Variants in TRPC6 observed in about 807,000 individuals in gnomAD.
TRPC6 encodes short transient receptor potential channel 6.
TRPC6 carries 55 observed loss-of-function variants against 90.7 expected under a neutral mutation model. The ratio of observed to expected loss-of-function variants is 0.61; its 90% CI spans 0.49 to 0.76. TRPC6 has a LOEUF of 0.76. Among genes scored for constraint, TRPC6 ranks in the 30% least tolerant of loss-of-function variants. The pLI, the probability that TRPC6 is intolerant of heterozygous loss-of-function variation, is 0.00. For missense variants in TRPC6, 989 were observed against 1,122.7 expected, an observed-to-expected ratio of 0.88 and a Z score of 1.70; for synonymous variants, 393 against 393.0, an observed-to-expected ratio of 1.00 and a Z score of 0.00.
intron 2 of TRPC6, among the ~76,000 whole-genome samples, chr11:101,493,362 T>TGGG: frequency 6.6e-6 from 1 of 152,254 alleles, no homozygotes; most frequent in South Asian, 2.1e-4. Context: ...CACATGTCCT[T>TGGG]GGGGTGTGGG....
At chr11:101,491,833 A>ATTTTTTTTTTTTTTTTTTGTT (rs200869151) in intron 2 of TRPC6, 95 bp from the exon 3 acceptor site, 1 of 764,510 alleles carries the variant, frequency 1.3e-6, no homozygotes, top group African/African-American at 2.8e-5. Context: ...TAAGAGAAAC[A>ATTTTTTTTTTTTTTTTTTGTT]TTCTTTTTTT....
chr11:101,464,217 G>A (rs796985316), intron 10 of TRPC6, among the ~76,000 whole-genome samples: 15 of 152,254 alleles, frequency 9.9e-5, no homozygotes, highest in African/African-American at 2.4e-4. Context: ...TTCCAATTAC[G>A]TGGTCAGTTT....
At chr11:101,533,620 G>C (rs1199776867) in intron 1 of TRPC6, among the ~76,000 whole-genome samples, 2 of 152,116 alleles carry the variant, frequency 1.3e-5, no homozygotes, top group African/African-American at 4.8e-5. Flanking sequence ...TCAGGTTCAG[G>C]GAGTCATAGC....
At chr11:101,571,778 C>A (rs1861970182) in intron 1 of TRPC6, among the ~76,000 whole-genome samples, 1 of 152,110 alleles carries the variant, frequency 6.6e-6, no homozygotes, top group Non-Finnish European at 1.5e-5. Flanking sequence ...GAAAGGATTC[C>A]CTATTTAATA....
chr11:101,551,719 A>G (rs1223855131), intron 1 of TRPC6, among the ~76,000 whole-genome samples: 1 of 152,074 alleles, frequency 6.6e-6, no homozygotes, highest in Non-Finnish European at 1.5e-5. Context: ...GTTTCTACAC[A>G]TATTGTGTGC....
At chr11:101,579,541 G>T (rs945618822) in intron 1 of TRPC6, among the ~76,000 whole-genome samples, 4 of 152,030 alleles carry the variant, frequency 2.6e-5, no homozygotes, top group African/African-American at 7.2e-5. Flanking sequence ...TTCTTGAAAA[G>T]CCTAGGCAAT....
At chr11:101,492,513 T>C (rs1393536736) in intron 2 of TRPC6, among the ~76,000 whole-genome samples, 1 of 152,020 alleles carries the variant, frequency 6.6e-6, no homozygotes, top group Non-Finnish European at 1.5e-5. Context: ...CCCGGGCAGG[T>C]TGAGGCTGCA....
chr11:101,544,398 A>T (rs1861248200), intron 1 of TRPC6, among the ~76,000 whole-genome samples: 1 of 152,228 alleles, frequency 6.6e-6, no homozygotes, highest in African/African-American at 2.4e-5. Flanking sequence ...CCAAAGGATT[A>T]TAAATCATTC....
At chr11:101,507,344 A>G (rs1187628988) in intron 1 of TRPC6, among the ~76,000 whole-genome samples, 3 of 149,460 alleles carry the variant, frequency 2.0e-5, no homozygotes, top group Non-Finnish European at 3.0e-5. Context: ...TTTTTTTTCA[A>G]TTTTGGAAAA....
intron 1 of TRPC6, among the ~76,000 whole-genome samples, chr11:101,573,893 A>G (rs1862015713): frequency 1.3e-5 from 2 of 148,882 alleles, no homozygotes; most frequent in African/African-American, 5.0e-5. Context: ...ACAGTAGTGA[A>G]GCTCCTTTCA....
Position 101,504,705 on chromosome 11 carries a change from A to G in TRPC6, c.264T>C (p.Phe88=), listed in dbSNP as rs1860215747. 1 of 1,594,490 alleles carries G rather than the reference A, an allele frequency of 6.3e-7. No individual in the cohort carries two copies. Among genetic ancestry groups the G allele is most frequent in the East Asian group, 2.2e-5 (1 of 44,734 alleles). ...TAGATAGGCTTGTGGAGCGATCACT[A>G]AACATGTATGCTGGTCCTCGATTAG... ...RLANRGPAYM[F]SDRSTSLSIE... is the part of the protein sequence containing the mutation. The change falls in exon 2 of 13, where the codon TTT becomes TTC. Residue 88 remains phenylalanine, a synonymous_variant. Transcript: ENST00000344327.
At chr11:101,547,530 C>T (rs1227398669) in intron 1 of TRPC6, among the ~76,000 whole-genome samples, 1 of 152,116 alleles carries the variant, frequency 6.6e-6, no homozygotes, top group Non-Finnish European at 1.5e-5. Context: ...TTACACTCCC[C>T]GCGCATTTAG....
At chr11:101,548,476 A>ATATATC (rs1555011220) in intron 1 of TRPC6, among the ~76,000 whole-genome samples, 22,570 of 111,496 alleles carry the variant, frequency 0.2, 2,164 homozygotes, top group Middle Eastern at 0.36. Flanking sequence ...ATATATATAT[A>ATATATC]TCTCTCTCTC....
chr11:101,579,597 CTT>C (rs1226721686), intron 1 of TRPC6, among the ~76,000 whole-genome samples: 1 of 152,120 alleles, frequency 6.6e-6, no homozygotes, highest in Non-Finnish European at 1.5e-5. Flanking sequence ...GTGTTTTACT[CTT>C]ATAGGAACCT....
At chr11:101,569,684 G>A (rs544138068) in intron 1 of TRPC6, among the ~76,000 whole-genome samples, 35 of 152,184 alleles carry the variant, frequency 2.3e-4, no homozygotes, top group African/African-American at 6.7e-4. Flanking sequence ...AGACCACAGC[G>A]CAATCAAATT....
intron 11 of TRPC6, among the ~76,000 whole-genome samples, chr11:101,453,998 G>A (rs1262253573): frequency 6.6e-6 from 1 of 152,128 alleles, no homozygotes; most frequent in Non-Finnish European, 1.5e-5. Flanking sequence ...TCCATTGCTT[G>A]TATTTTATTT....
Position 101,519,011 on chromosome 11 carries a change from CAG to C in TRPC6, c.171-14215_171-14214del, listed in dbSNP as rs1860588523. On this transcript the variant is annotated intron_variant, in intron 1 of 12. Coordinates refer to ENST00000344327, the MANE Select transcript of TRPC6 (RefSeq NM_004621.6). Reference sequence around the variant, plus strand: ...ATTAAAACAATTGAATTCATGGACACAGAGAGTAGAAGAATGGTTACCAGAGG... The same window carrying C: ...ATTAAAACAATTGAATTCATGGACACAGAGTAGAAGAATGGTTACCAGAGG... 2.0e-5 allele frequency among the ~76,000 whole-genome samples: 3 copies of C among 152,140 alleles called. No individual in the cohort carries two copies. The South Asian group carries it at 6.2e-4, about 32-fold the overall frequency.
At chr11:101,534,549 A>G (rs1860990907) in intron 1 of TRPC6, among the ~76,000 whole-genome samples, 1 of 152,176 alleles carries the variant, frequency 6.6e-6, no homozygotes, top group Non-Finnish European at 1.5e-5. Flanking sequence ...GAATTCACCT[A>G]GAATTATGTG....
At chr11:101,535,920 T>A (rs1861034663) in intron 1 of TRPC6, among the ~76,000 whole-genome samples, 2 of 152,220 alleles carry the variant, frequency 1.3e-5, no homozygotes, top group South Asian at 4.1e-4. Flanking sequence ...AATGGCAGAC[T>A]GTTTAAAATG....
Sources: allele counts gnomAD v4.1 joint callset (sites outside exome capture counted in the v4.1 genomes callset), GRCh38; gene constraint gnomAD v4.1.1; transcripts MANE v1.5; gene names NCBI Gene and HGNC (gene_info 2026-07-23, HGNC 2026-07-21).